SQSTM1: variants seen among roughly 807,000 people sequenced by gnomAD.
SQSTM1 encodes the protein sequestosome 1.
In SQSTM1, 36 loss-of-function variants were observed where a neutral mutation model predicts 45.1. That is an observed-to-expected ratio of 0.80 (90% CI 0.61 to 1.05). The LOEUF is 1.05. Ranked by LOEUF, SQSTM1 falls within the 50% of genes least tolerant of loss-of-function variation. The pLI is 0.00. For synonymous variants in SQSTM1, 290 were observed against 244.3 expected (o/e 1.19, Z -1.74); for missense variants, 617 against 607.1 (o/e 1.02, Z -0.17).
At position 179,837,361 on chromosome 5, in the gene SQSTM1, T is replaced by C. The variant is rs759005945; in HGVS notation, c.*768T>C. Reference sequence around the variant, plus strand: ...GGAACCCTGTCCCTCCTAACAAGTGTATCTCGATTAATAACCTGCCAGTCC... The same window carrying C: ...GGAACCCTGTCCCTCCTAACAAGTGCATCTCGATTAATAACCTGCCAGTCC... On this transcript the variant is annotated 3_prime_UTR_variant, in exon 8 of 8. Transcript: ENST00000389805. 6.3e-7 allele frequency: 1 copy of C among 1,581,234 alleles called. No individual in the cohort carries two copies. Among genetic ancestry groups the C allele is most frequent in the Admixed American group, 1.8e-5 (1 of 56,276 alleles).
At chr5:179,831,491 G>A (rs140657883) in intron 5 of SQSTM1, among the ~76,000 whole-genome samples, 2,212 of 152,146 alleles carry the variant, frequency 0.015, 56 homozygotes, top group African/African-American at 0.05. Flanking sequence ...GTGAAACCCC[G>A]TCTCTACTAA....
At chr5:179,810,790 T>G (rs1398881441) in intron 1 of SQSTM1, among the ~76,000 whole-genome samples, 4 of 152,158 alleles carry the variant, frequency 2.6e-5, no homozygotes, top group East Asian at 1.9e-4. Context: ...GTTTCCTGGG[T>G]TTTTAATGAT....
chr5:179,830,420 C>T (rs750828418), intron 5 of SQSTM1, among the ~76,000 whole-genome samples: 5 of 152,004 alleles, frequency 3.3e-5, no homozygotes, highest in South Asian at 2.1e-4. Flanking sequence ...TTTTTGAAAC[C>T]GGGTCTCACT....
At chr5:179,811,361 A>T (rs529814489) in intron 1 of SQSTM1, among the ~76,000 whole-genome samples, 8 of 55,674 alleles carry the variant, frequency 1.4e-4, no homozygotes, top group South Asian at 7.7e-4. Context: ...GGGAGGAGCT[A>T]TGCAGGGGGA....
intron 5 of SQSTM1, among the ~76,000 whole-genome samples, chr5:179,831,659 G>A (rs1416872275): frequency 2.0e-5 from 3 of 152,094 alleles, no homozygotes; most frequent in Non-Finnish European, 4.4e-5. Flanking sequence ...GCGAGACTCT[G>A]TCTACAAAAC....
chr5:179,837,184 T>C lies in SQSTM1; in HGVS notation c.*591T>C, dbSNP rs11548623. 4 of 1,527,678 alleles carry C rather than the reference T, an allele frequency of 2.6e-6. No individual in the cohort carries two copies. The highest frequency in any genetic ancestry group is 3.5e-6 in the Non-Finnish European group (4 of 1,134,588). 94.6% of individuals were successfully genotyped at this position (1,527,678 alleles called of 1,614,324 possible). A position where few individuals can be genotyped will look rare whatever the true frequency, so the allele number is the denominator to read the frequency against. On this transcript the variant is annotated 3_prime_UTR_variant, in exon 8 of 8. Transcript: ENST00000389805. ...TCCAAACCATCAGCTGCTTTTAAAA[T>C]AAGATCTCTTTGTAGCCATCCTGTT...
chr5:179,833,313 G>A (rs1015334612), intron 6 of SQSTM1, 67 bp downstream of exon 6: 36 of 1,437,056 alleles, frequency 2.5e-5, no homozygotes, highest in Non-Finnish European at 2.8e-5. Context: ...CTGCACCTCC[G>A]CCTCATCCTC....
At chr5:179,811,199 C>G (rs988497666) in intron 1 of SQSTM1, among the ~76,000 whole-genome samples, 1 of 151,898 alleles carries the variant, frequency 6.6e-6, no homozygotes, top group Non-Finnish European at 1.5e-5. Flanking sequence ...CACCACTGCA[C>G]TCCAGCCTGG....
At chr5:179,814,081 AC>A (rs1487202013), upstream of SQSTM1, among the ~76,000 whole-genome samples, 3 of 152,148 alleles carry the variant, frequency 2.0e-5, no homozygotes, top group Non-Finnish European at 4.4e-5. Context: ...GGATCCTCTG[AC>A]CATAAGAGTT....
chr5:179,836,092 T>G (rs141969608), intron 7 of SQSTM1: 2 of 415,672 alleles, frequency 4.8e-6, no homozygotes, highest in African/African-American at 2.0e-5. Flanking sequence ...TGCCCCATCA[T>G]CTCTTGCATG....
chr5:179,819,891 C>T (rs1158943180), upstream of SQSTM1, among the ~76,000 whole-genome samples: 1 of 152,218 alleles, frequency 6.6e-6, no homozygotes, highest in African/African-American at 2.4e-5. Flanking sequence ...ACTCTTGCCT[C>T]CCTCTGGGTT....
At chr5:179,833,383 G>A in intron 6 of SQSTM1, 137 bp downstream of exon 6, 1 of 1,044,748 alleles carries the variant, frequency 9.6e-7, no homozygotes, top group Non-Finnish European at 1.4e-6. Context: ...AGTGATGTCT[G>A]TGCCATTAAA....
At chr5:179,829,020 G>A (rs1171615286) in intron 5 of SQSTM1, among the ~76,000 whole-genome samples, 1 of 152,120 alleles carries the variant, frequency 6.6e-6, no homozygotes, top group African/African-American at 2.4e-5. Flanking sequence ...GAGTGATCGG[G>A]GGACAGGAAC....
At chr5:179,829,749 G>A (rs897437499) in intron 5 of SQSTM1, among the ~76,000 whole-genome samples, 8 of 152,192 alleles carry the variant, frequency 5.3e-5, no homozygotes, top group Admixed American at 1.3e-4. Flanking sequence ...GGATGAGTAG[G>A]AATTCCAGAA....
In SQSTM1 at chr5:179,837,274, A is replaced by G; in HGVS notation, c.*681A>G. 2 of 1,606,602 alleles carry G rather than the reference A, an allele frequency of 1.2e-6. No homozygotes were observed. ...AACCAATGACGTTTGCATAGAGAGA[A>G]ATGATTGACAGTAAGTTTATTGTTA... On this transcript the variant is annotated 3_prime_UTR_variant, in exon 8 of 8. Transcript: ENST00000389805.
chr5:179,815,429 GAA>G (rs1757552012), upstream of SQSTM1, among the ~76,000 whole-genome samples: 1 of 151,772 alleles, frequency 6.6e-6, no homozygotes, highest in Non-Finnish European at 1.5e-5. Context: ...AAAAAAAAAA[GAA>G]AAGAAAACCT....
rs1374726030 is a variant in SQSTM1 at position 179,837,710 on chromosome 5, T to C, written c.*1117T>C. The C allele has an allele frequency of 6.2e-7, 1 of 1,614,124 alleles. No individual in the cohort carries two copies. The highest frequency in any genetic ancestry group is 1.3e-5 in the African/African-American group (1 of 74,938). On this transcript the variant is annotated 3_prime_UTR_variant, in exon 8 of 8. Transcript: ENST00000389805. ...CTGCTCACTGTCCACATGTGAACTT[T>C]TTCTAGGTGGCAGGACAAATTGCGC... is the stretch of plus-strand genomic sequence containing the variant.
At chr5:179,818,012 CAAAAAAAAAAAAAAAAAA>C (rs528143529), upstream of SQSTM1, among the ~76,000 whole-genome samples, 1 of 29,182 alleles carries the variant, frequency 3.4e-5, no homozygotes, top group Non-Finnish European at 6.4e-5. Context: ...GAGACTGTCT[CAAAAAAAAAAAAAAAAAA>C]AAAAAAAAAA....
upstream of SQSTM1, among the ~76,000 whole-genome samples, chr5:179,813,993 C>T (rs1456151020): frequency 6.6e-6 from 1 of 152,182 alleles, no homozygotes; most frequent in Non-Finnish European, 1.5e-5. Flanking sequence ...TTCTAACCTC[C>T]TAGTACACGA....
Sources: allele counts gnomAD v4.1 joint callset (sites outside exome capture counted in the v4.1 genomes callset), GRCh38; gene constraint gnomAD v4.1.1; transcripts MANE v1.5; gene names NCBI Gene and HGNC (gene_info 2026-07-23, HGNC 2026-07-21).